The following ZFPM2 variants were observed in gnomAD, a reference collection of about 807,000 sequenced individuals.
ZFPM2 encodes zinc finger protein, FOG family member 2.
In ZFPM2, 20 loss-of-function variants were observed where a neutral mutation model predicts 98.6. The ratio of observed to expected loss-of-function variants is 0.20; its 90% CI spans 0.14 to 0.29. ZFPM2 has a LOEUF of 0.29. Ranked by LOEUF, ZFPM2 falls within the 10% of genes least tolerant of loss-of-function variation. ZFPM2 has a pLI of 1.00. For missense variants in ZFPM2, 1,310 were observed against 1,388.6 expected (o/e 0.94, Z 0.90); for synonymous variants, 518 against 502.7 (o/e 1.03, Z -0.41).
intron 5 of ZFPM2, among the ~76,000 whole-genome samples, chr8:105,752,931 A>T (rs910217445): frequency 6.6e-6 from 1 of 152,082 alleles, no homozygotes; most frequent in Non-Finnish European, 1.5e-5. Flanking sequence ...TTTTCTTATA[A>T]TTGGGGAGAG....
chr8:105,356,686 T>A (rs1812753374), intron 1 of ZFPM2, among the ~76,000 whole-genome samples: 1 of 152,346 alleles, frequency 6.6e-6, no homozygotes, highest in Non-Finnish European at 1.5e-5. Context: ...AGTGCCTTTC[T>A]GGTCCATATT....
chr8:105,756,775 A>G (rs1005033463), intron 5 of ZFPM2, among the ~76,000 whole-genome samples: 1 of 148,034 alleles, frequency 6.8e-6, no homozygotes, highest in Non-Finnish European at 1.5e-5. Flanking sequence ...TGTAGATTTC[A>G]TGCAGCAGTT....
chr8:105,709,668 T>C (rs540830473), intron 5 of ZFPM2, among the ~76,000 whole-genome samples: 2 of 152,278 alleles, frequency 1.3e-5, no homozygotes, highest in African/African-American at 4.8e-5. Flanking sequence ...ATATTATCTT[T>C]GTACACGAAG....
intron 4 of ZFPM2, among the ~76,000 whole-genome samples, chr8:105,599,392 A>T (rs1319503385): frequency 1.7e-5 from 1 of 59,742 alleles, no homozygotes; most frequent in African/African-American, 6.0e-5. Flanking sequence ...TTTCGTCTTT[A>T]AAAAAAAAAA....
chr8:105,521,976 T>C (rs1814072865), intron 3 of ZFPM2, among the ~76,000 whole-genome samples: 1 of 152,234 alleles, frequency 6.6e-6, no homozygotes, highest in African/African-American at 2.4e-5. Flanking sequence ...CACTAGGTTA[T>C]ATAATAGTGT....
chr8:105,652,942 G>A (rs1241254940), intron 5 of ZFPM2, among the ~76,000 whole-genome samples: 4 of 152,102 alleles, frequency 2.6e-5, no homozygotes, highest in African/African-American at 9.7e-5. Flanking sequence ...TATGTTTTGA[G>A]TGTAGATTTC....
At chr8:105,735,586 C>T (rs1812048004) in intron 5 of ZFPM2, among the ~76,000 whole-genome samples, 1 of 151,788 alleles carries the variant, frequency 6.6e-6, no homozygotes, top group Admixed American at 6.6e-5. Context: ...TTAAAATTAA[C>T]AGACCATATT....
chr8:105,521,085 T>C (rs1690255956), intron 3 of ZFPM2, among the ~76,000 whole-genome samples: 3 of 151,890 alleles, frequency 2.0e-5, no homozygotes, highest in Admixed American at 2.0e-4. Context: ...CCCACAGTTC[T>C]TGCTGTCTGA....
intron 3 of ZFPM2, among the ~76,000 whole-genome samples, chr8:105,476,644 G>A (rs907087487): frequency 6.6e-6 from 1 of 152,108 alleles, no homozygotes; most frequent in Non-Finnish European, 1.5e-5. Flanking sequence ...TGAGAACCTT[G>A]TCTATCTTGC....
chr8:105,716,610 C>T (rs1244993254), intron 5 of ZFPM2, among the ~76,000 whole-genome samples: 1 of 151,872 alleles, frequency 6.6e-6, no homozygotes, highest in Non-Finnish European at 1.5e-5. Context: ...TGTTGAGAGA[C>T]CATGTGCTCT....
chr8:105,732,920 C>A (rs1284775070), intron 5 of ZFPM2, among the ~76,000 whole-genome samples: 1 of 151,756 alleles, frequency 6.6e-6, no homozygotes, highest in East Asian at 1.9e-4. Flanking sequence ...AAGTTTCAAT[C>A]TTTTATTTTT....
chr8:105,395,826 C>T (rs1811207607), intron 1 of ZFPM2, among the ~76,000 whole-genome samples: 1 of 152,194 alleles, frequency 6.6e-6, no homozygotes, highest in African/African-American at 2.4e-5. Context: ...TACTCACAGT[C>T]AGACAGCTTG....
At chr8:105,319,037 C>T in intron 1 of ZFPM2, 56 bp downstream of exon 1, 4 of 1,460,108 alleles carry the variant, frequency 2.7e-6, no homozygotes, top group Middle Eastern at 2.0e-4. Context: ...GAGCGGGGTG[C>T]GCGGGACGGG....
intron 2 of ZFPM2, among the ~76,000 whole-genome samples, chr8:105,434,654 T>A (rs1586369207): frequency 6.6e-6 from 1 of 152,244 alleles, no homozygotes; most frequent in African/African-American, 2.4e-5. Context: ...CTGTCACTTC[T>A]GAACTGTTCA....
At chr8:105,442,476 C>A (rs1278420812) in intron 2 of ZFPM2, among the ~76,000 whole-genome samples, 1 of 152,206 alleles carries the variant, frequency 6.6e-6, no homozygotes, top group Admixed American at 6.5e-5. Context: ...AAATATCATC[C>A]TGCACCTACC....
chr8:105,739,260 A>G (rs1812158734), intron 5 of ZFPM2, among the ~76,000 whole-genome samples: 1 of 152,090 alleles, frequency 6.6e-6, no homozygotes, highest in South Asian at 2.1e-4. Flanking sequence ...AAGAATGGTC[A>G]AGTAACAACT....
chr8:105,657,870 A>C (rs1817315402), intron 5 of ZFPM2, among the ~76,000 whole-genome samples: 1 of 152,192 alleles, frequency 6.6e-6, no homozygotes, highest in African/African-American at 2.4e-5. Context: ...TCATGTTAAA[A>C]TTTTACATGC....
At chr8:105,498,631 C>A (rs554752909) in intron 3 of ZFPM2, among the ~76,000 whole-genome samples, 3 of 152,116 alleles carry the variant, frequency 2.0e-5, no homozygotes, top group Admixed American at 6.5e-5. Context: ...TAAATCCCTG[C>A]AAAATAGCCG....
At chr8:105,569,279 C>A (rs1410037633) in intron 4 of ZFPM2, among the ~76,000 whole-genome samples, 1 of 152,176 alleles carries the variant, frequency 6.6e-6, no homozygotes, top group Non-Finnish European at 1.5e-5. Flanking sequence ...CAATGAATAA[C>A]ATTGAATGAA....
Sources: gnomAD v4.1 joint callset for allele counts (sites outside exome capture counted in the v4.1 genomes callset) on GRCh38, gnomAD v4.1.1 for gene constraint, MANE v1.5 for transcripts, NCBI Gene and HGNC (gene_info 2026-07-23, HGNC 2026-07-21) for gene names.